Variants in FAM114A2 observed in about 807,000 individuals in gnomAD.
The protein encoded by FAM114A2 is family with sequence similarity 114 member A2, also known as protein FAM114A2.
In FAM114A2, 53 loss-of-function variants were observed where a neutral mutation model predicts 58.4. That is an observed-to-expected ratio of 0.91 (90% CI 0.73 to 1.14). FAM114A2 has a LOEUF of 1.14. Ranked by LOEUF, FAM114A2 falls within the 50% of genes most tolerant of loss-of-function variation. The pLI is 0.00. For missense variants in FAM114A2, 601 were observed against 581.1 expected (o/e 1.03, Z -0.35); for synonymous variants, 228 against 211.4 (o/e 1.08, Z -0.68).
At chr5:154,036,342 T>C (rs1213854008) in intron 1 of FAM114A2, 1 of 152,202 alleles carries the variant, frequency 6.6e-6, no homozygotes, top group East Asian at 1.9e-4. Flanking sequence ...TCCTTCCAGA[T>C]GTAGAGCTCT....
intron 11 of FAM114A2, among the ~76,000 whole-genome samples, chr5:153,999,606 C>G (rs1020967751): frequency 1.3e-5 from 2 of 149,408 alleles, no homozygotes; most frequent in Admixed American, 1.3e-4. Context: ...GCACTCCAGC[C>G]TGAGTGACAC....
At chr5:154,009,003 G>C (rs1481749427) in intron 9 of FAM114A2, among the ~76,000 whole-genome samples, 1 of 152,154 alleles carries the variant, frequency 6.6e-6, no homozygotes, top group Non-Finnish European at 1.5e-5. Flanking sequence ...GTGTACACGT[G>C]CACATATGTA....
chr5:153,997,675 C>T, intron 12 of FAM114A2, 128 bp downstream of exon 12: 2 of 628,712 alleles, frequency 3.2e-6, no homozygotes, highest in Non-Finnish European at 5.7e-6. Context: ...AATGGCCGCG[C>T]AACTCTGTAA....
At chr5:154,031,114 C>T (rs1429383311) in intron 4 of FAM114A2, among the ~76,000 whole-genome samples, 1 of 151,832 alleles carries the variant, frequency 6.6e-6, no homozygotes, top group East Asian at 1.9e-4. Flanking sequence ...GAGTTTGAGA[C>T]CAGCCTGGCC....
chr5:153,998,064 G>A (rs1263832156), intron 11 of FAM114A2, among the ~76,000 whole-genome samples, 189 bp from the exon 12 acceptor site: 3 of 152,080 alleles, frequency 2.0e-5, no homozygotes, highest in Non-Finnish European at 4.4e-5. Context: ...GTTACTCATG[G>A]TCAACAATGA....
rs1771298448 is a variant in FAM114A2 at position 154,019,994 on chromosome 5, A to G, written c.913+6405T>C. On this transcript the variant is annotated intron_variant, in intron 8 of 13. Transcript: ENST00000351797. ...ATTAGAACTCAGGATTAAGAAACTC[A>G]CTAAAAACTGCACAACTACATGGAA... Among the ~76,000 whole-genome samples the G allele has an allele frequency of 1.3e-5, 2 of 152,216 alleles. 1 individual carries two copies. Among genetic ancestry groups the G allele is most frequent in the Admixed American group, 1.3e-4 (2 of 15,284 alleles).
At chr5:153,996,360 G>A (rs1023891785) in intron 12 of FAM114A2, among the ~76,000 whole-genome samples, 1 of 152,038 alleles carries the variant, frequency 6.6e-6, no homozygotes, top group African/African-American at 2.4e-5. Flanking sequence ...AAAGCATGAA[G>A]CAGGGCCCCC....
chr5:154,037,829 A>C (rs1195024349), intron 1 of FAM114A2, among the ~76,000 whole-genome samples: 1 of 152,186 alleles, frequency 6.6e-6, no homozygotes, highest in African/African-American at 2.4e-5. Context: ...CTAAAATTAC[A>C]GGCGTGAGCC....
intron 8 of FAM114A2, among the ~76,000 whole-genome samples, chr5:154,020,313 GGA>G (rs1771319108): frequency 7.6e-6 from 1 of 132,018 alleles, no homozygotes; most frequent in Non-Finnish European, 1.6e-5. Flanking sequence ...CAGAACTGAA[GGA>G]GATAGAGACA....
chr5:154,004,355 C>T (rs1289168427), intron 9 of FAM114A2, among the ~76,000 whole-genome samples: 4 of 152,102 alleles, frequency 2.6e-5, no homozygotes, highest in Admixed American at 2.0e-4. Context: ...GGAGGTCTAG[C>T]CTTCACTCTT....
intron 4 of FAM114A2, among the ~76,000 whole-genome samples, chr5:154,030,665 T>C (rs1772127323): frequency 6.6e-6 from 1 of 152,156 alleles, no homozygotes; most frequent in Non-Finnish European, 1.5e-5. Flanking sequence ...GCAATCGGAA[T>C]TTGCAGGTCA....
Position 154,035,040 on chromosome 5 carries a change from TTTGAGA to T in FAM114A2, c.-14-79_-14-74del, listed in dbSNP as rs1054619622. On this transcript the variant is annotated intron_variant, in intron 1 of 13. Transcript: ENST00000351797. ...TAAAGTATTTGTTTAAACTTTTTAG[TTTGAGA>T]TTATCATAGATTCACATACAAGTAT... 3.5e-6 allele frequency: 3 copies of T among 866,488 alleles called. No individual in the cohort carries two copies. In the African/African-American group the frequency reaches 5.1e-5, roughly 15 times the overall value. The allele number at this position is 866,488 out of a possible 1,614,324, so 53.7% of individuals were successfully genotyped here.
At chr5:154,015,083 G>A (rs1367100892) in intron 8 of FAM114A2, among the ~76,000 whole-genome samples, 1 of 152,056 alleles carries the variant, frequency 6.6e-6, no homozygotes, top group Non-Finnish European at 1.5e-5. Context: ...ATCCTCCTAG[G>A]AACATAACTC....
chr5:154,002,343 G>A lies in FAM114A2; in HGVS notation c.1164C>T (p.Cys388=). The change falls in exon 11 of 14, where the codon TGC becomes TGT. Residue 388 remains cysteine, a synonymous_variant. Transcript: ENST00000351797. ...CTGTTTTGTGGAATAGTTCAATTGA[G>A]CAGGCAGTCAGTTCAGCCAGGCTCC... is the stretch of plus-strand genomic sequence containing the variant. ...AIRSLAELTA[C]SIELFHKTAA... 1 of 1,613,984 alleles carries A rather than the reference G, an allele frequency of 6.2e-7. No homozygotes were observed. Among genetic ancestry groups the A allele is most frequent in the Non-Finnish European group, 8.5e-7 (1 of 1,179,864 alleles).
chr5:154,023,569 G>T (rs998819321), intron 8 of FAM114A2, among the ~76,000 whole-genome samples: 1 of 152,136 alleles, frequency 6.6e-6, no homozygotes, highest in Non-Finnish European at 1.5e-5. Flanking sequence ...TAGGAGCTAA[G>T]CTATGAGGAT....
chr5:154,028,185 G>A lies in FAM114A2; in HGVS notation c.594C>T (p.Thr198=), dbSNP rs1771927694. The change falls in exon 6 of 14, where the codon ACC becomes ACT. Residue 198 remains threonine (T), a synonymous_variant. Transcript: ENST00000351797. ...TAGCATTTCGGTTCATCAGACCCTT[G>A]GTTCTTTTAAATCCAGGATCCCCTT... The part of the protein sequence containing the change: ...IAEGDPGFKR[T]KGLMNRNATL... The A allele has an allele frequency of 1.2e-6, 2 of 1,612,154 alleles. No homozygotes were observed. Among genetic ancestry groups the A allele is most frequent in the South Asian group, 2.2e-5 (2 of 90,924 alleles).
chr5:153,997,921 A>G (rs1327687543), intron 11 of FAM114A2, 46 bp from the exon 12 acceptor site: 2 of 1,142,590 alleles, frequency 1.8e-6, no homozygotes, highest in Non-Finnish European at 2.6e-6. Context: ...TTTTTTTAAA[A>G]AAATAAGTTA....
At chr5:153,995,222 A>T (rs56025158) in intron 12 of FAM114A2, 2 of 352,068 alleles carry the variant, frequency 5.7e-6, no homozygotes, top group South Asian at 8.2e-5. Context: ...GACTTTAAAA[A>T]GTATCTTCAT....
chr5:154,034,428 T>C (rs1324952323), intron 2 of FAM114A2, 51 bp from the exon 3 acceptor site: 1 of 1,143,692 alleles, frequency 8.7e-7, no homozygotes, highest in Non-Finnish European at 1.3e-6. Flanking sequence ...ATGAAAAAAT[T>C]AGAGGAAAAT....
Sources: gnomAD v4.1 joint callset for allele counts (sites outside exome capture counted in the v4.1 genomes callset) on GRCh38, gnomAD v4.1.1 for gene constraint, MANE v1.5 for transcripts, NCBI Gene and HGNC (gene_info 2026-07-23, HGNC 2026-07-21) for gene names.